Variants in TNKS1BP1 observed in about 807,000 individuals in gnomAD.
TNKS1BP1 encodes the protein CCR4-NOT transcription complex subunit 12, also known as 182 kDa tankyrase-1-binding protein.
In TNKS1BP1, 48 loss-of-function variants were observed where a neutral mutation model predicts 141.1. The observed-to-expected ratio is 0.34, with a 90% confidence interval of 0.27 to 0.43. The LOEUF is 0.43. TNKS1BP1 is among the 20% of genes least tolerant of loss of function. The pLI, the probability that TNKS1BP1 is intolerant of heterozygous loss-of-function variation, is 1.00. For missense variants in TNKS1BP1, 2,149 were observed against 2,226.0 expected (o/e 0.97, Z 0.70); for synonymous variants, 875 against 898.2 (o/e 0.97, Z 0.46).
intron 1 of TNKS1BP1, among the ~76,000 whole-genome samples, chr11:57,322,623 A>C (rs1390443483): frequency 6.6e-6 from 1 of 152,358 alleles, no homozygotes; most frequent in South Asian, 2.1e-4. Flanking sequence ...GAATTTGATG[A>C]GGTAAAGCCA....
Position 57,312,862 on chromosome 11 carries a change from T to C in TNKS1BP1, c.1826A>G (p.Glu609Gly), listed in dbSNP as rs778597763. The part of the protein sequence containing the change: ...QESPLPLATR[E>G]AALPILEPVL... Reference sequence around the variant, plus strand: ...TGGCTCCAGGATGGGCAAGGCTGCCTCCCTGGTAGCCAGGGGGAGAGGGGA... The same window carrying C: ...TGGCTCCAGGATGGGCAAGGCTGCCCCCCTGGTAGCCAGGGGGAGAGGGGA... Residue 609 changes from glutamate to glycine, a missense_variant, in exon 5 of 12, where the codon GAG (glutamate) becomes GGG (glycine). Transcript: ENST00000358252. The C allele has an allele frequency of 1.4e-5, 23 of 1,608,850 alleles. No individual in the cohort carries two copies. Among genetic ancestry groups the C allele is most frequent in the Non-Finnish European group, 1.9e-5 (22 of 1,177,122 alleles).
Position 57,313,146 on chromosome 11 carries a change from G to A in TNKS1BP1, c.1542C>T (p.Asn514=), listed in dbSNP as rs756388884. 29 of 1,612,978 alleles carry A rather than the reference G, an allele frequency of 1.8e-5. No homozygotes were observed. Among genetic ancestry groups the A allele is most frequent in the East Asian group, 8.9e-5 (4 of 44,874 alleles). The part of the protein sequence containing the change: ...SEAAEAAEAG[N]LAVSSREEGV... ...CTTCTTCCCTGCTGGAAACGGCCAA[G>A]TTGCCAGCCTCAGCAGCCTCGGCGG... The change falls in exon 5 of 12, where the codon AAC becomes AAT. Residue 514 remains asparagine (N), a synonymous_variant. Transcript: ENST00000358252.
chr11:57,302,208 T>C lies in TNKS1BP1; in HGVS notation c.4700A>G (p.Asp1567Gly). 1 of 1,611,894 alleles carries C rather than the reference T, an allele frequency of 6.2e-7. No homozygotes were observed. The highest frequency in any genetic ancestry group is 8.5e-7 in the Non-Finnish European group (1 of 1,179,472). The change falls in exon 8 of 12, where the codon GAC (aspartate) becomes GGC (glycine). Residue 1567 changes from aspartate (D) to glycine (G), a missense_variant. Asp to Gly is a moderately conservative substitution (Grantham distance 94). Coordinates refer to ENST00000358252, the MANE Select transcript of TNKS1BP1 (RefSeq NM_033396.3). The surrounding 1 kb of genome is among the most constrained non-coding windows in gnomAD (Gnocchi z 5.5). The stretch of plus-strand genomic sequence containing the variant: ...GGCACGGCTCCGATACATGGCACTG[T>C]CGAGGATCTCGGTGTCCTGCTTGGG... Reference protein sequence around the residue: ...FSFIEDTEILDSAMYRSRANL... With the variant: ...FSFIEDTEILGSAMYRSRANL...
At position 57,302,445 on chromosome 11, in the gene TNKS1BP1, C is replaced by T; in HGVS notation, c.4683+14G>A. ...CCTCACCCACCCACTGTCATGGGCT[C>T]ACCCTCCACTGACCTCAATGAAGGA... On this transcript the variant is annotated intron_variant, in intron 7 of 11. Transcript: ENST00000358252. The surrounding 1 kb of genome is among the most constrained non-coding windows in gnomAD (Gnocchi z 5.5). 1 of 1,578,774 alleles carries T rather than the reference C, an allele frequency of 6.3e-7. No individual in the cohort carries two copies. The highest frequency in any genetic ancestry group is 8.6e-7 in the Non-Finnish European group (1 of 1,158,492).
intron 1 of TNKS1BP1, among the ~76,000 whole-genome samples, chr11:57,324,261 G>A (rs1407732328): frequency 6.6e-6 from 1 of 152,246 alleles, no homozygotes; most frequent in East Asian, 1.9e-4. Flanking sequence ...AGGGCCAACG[G>A]GAAGATGGAA....
At chr11:57,304,734 G>A (rs1855580738) in intron 6 of TNKS1BP1, among the ~76,000 whole-genome samples, 1 of 151,706 alleles carries the variant, frequency 6.6e-6, no homozygotes, top group South Asian at 2.1e-4. Context: ...GCCAGGCATG[G>A]TGGCAGGCAC....
intron 1 of TNKS1BP1, among the ~76,000 whole-genome samples, chr11:57,322,640 A>G (rs1369743411): frequency 6.6e-6 from 1 of 152,368 alleles, no homozygotes; most frequent in Middle Eastern, 3.4e-3. Context: ...GCCAGGGCCT[A>G]GTCCTGTTGC....
At chr11:57,304,275 G>A (rs1855574013) in intron 6 of TNKS1BP1, among the ~76,000 whole-genome samples, 1 of 152,124 alleles carries the variant, frequency 6.6e-6, no homozygotes, top group African/African-American at 2.4e-5. Context: ...GGAAGAGGGG[G>A]CAGGGAGAGA....
At chr11:57,322,322 T>G in intron 1 of TNKS1BP1, 1 of 990,764 alleles carries the variant, frequency 1.0e-6, no homozygotes, top group Non-Finnish European at 1.2e-6. Flanking sequence ...GTATGAAGTC[T>G]GTCTGTGAAT....
rs1234190820 is a variant in TNKS1BP1, at chr11:57,310,155, C to G, written c.2556G>C (p.Gln852His). Residue 852 changes from glutamine (Q) to histidine (H), a missense_variant, in exon 6 of 12, where the codon CAG becomes CAC. Physicochemically the swap from Gln to His is conservative, Grantham distance 24. Coordinates refer to ENST00000358252, the MANE Select transcript of TNKS1BP1 (RefSeq NM_033396.3). The stretch of plus-strand genomic sequence containing the variant: ...CTGCATCCCGGCTGGAGTAAGTGCC[C>G]TGGGAATCCCTCTTTCTGAACTCCC... ...QDWEFRKRDSQGTYSSRDAEL... is the reference protein window; with the variant it reads ...QDWEFRKRDSHGTYSSRDAEL... 1 of 1,614,194 alleles carries G rather than the reference C, an allele frequency of 6.2e-7. No individual in the cohort carries two copies. The highest frequency in any genetic ancestry group is 1.1e-5 in the South Asian group (1 of 91,078).
At position 57,309,437 on chromosome 11, in the gene TNKS1BP1, G is replaced by A. The variant is rs757172910; in HGVS notation, c.3274C>T (p.Leu1092Phe). ...GCCTCTCGCTGGGGGCCAACACTGAGGCTAAACTCACCGACCCAGCCTCGC... is the reference window on the plus strand; with the variant it reads ...GCCTCTCGCTGGGGGCCAACACTGAAGCTAAACTCACCGACCCAGCCTCGC... ...GKRGWVGEFS[L>F]SVGPQREAAF... The change falls in exon 6 of 12, where the codon CTC (leucine) becomes TTC (phenylalanine). Residue 1092 changes from leucine (L) to phenylalanine (F), a missense_variant. Coordinates refer to ENST00000358252, the MANE Select transcript of TNKS1BP1 (RefSeq NM_033396.3). This position sits in a 1 kb window ranked among gnomAD's most constrained non-coding sequence, Gnocchi z 4.3. The A allele has an allele frequency of 6.2e-7, 1 of 1,614,070 alleles. No homozygotes were observed. The highest frequency in any genetic ancestry group is 1.1e-5 in the South Asian group (1 of 91,076).
chr11:57,323,817 G>A (rs1231467208), intron 1 of TNKS1BP1, among the ~76,000 whole-genome samples: 1 of 152,204 alleles, frequency 6.6e-6, no homozygotes, highest in Non-Finnish European at 1.5e-5. Context: ...CATAGTGTGG[G>A]TGGTTGGAGA....
At chr11:57,301,756 TG>T in intron 9 of TNKS1BP1, 50 bp downstream of exon 9, 2 of 1,582,388 alleles carry the variant, frequency 1.3e-6, no homozygotes, top group Non-Finnish European at 1.7e-6. Flanking sequence ...GCATGCAAGG[TG>T]GCCACCTGGC....
rs1049259408 is a variant in TNKS1BP1, at chr11:57,322,264, C to A, written c.-65-314G>T. ...TCCCCACAGTGCCCCTTGGGTAGGA[C>A]GGCCCCGCTGGAGGTGTCTACTCAA... is the stretch of plus-strand genomic sequence containing the variant. On this transcript the variant is annotated intron_variant, in intron 1 of 11. Transcript: ENST00000358252. 5 of 1,038,140 alleles carry A rather than the reference C, an allele frequency of 4.8e-6. No homozygotes were observed. In the African/African-American group the frequency reaches 6.7e-5, roughly 14 times the overall value. The allele number at this position is 1,038,140 out of a possible 1,614,324, so 64.3% of individuals were successfully genotyped here.
At chr11:57,305,422 C>T (rs1471226789) in intron 6 of TNKS1BP1, among the ~76,000 whole-genome samples, 6 of 152,182 alleles carry the variant, frequency 3.9e-5, no homozygotes, top group African/African-American at 1.4e-4. Context: ...GTCGCATCTA[C>T]ACCCTTCACC....
chr11:57,311,339 C>T, intron 5 of TNKS1BP1: 1 of 985,782 alleles, frequency 1.0e-6, no homozygotes, highest in Non-Finnish European at 1.2e-6. Context: ...GACATGCTGG[C>T]CTCCCCATCC....
Position 57,308,415 on chromosome 11 carries a change from T to G in TNKS1BP1, c.4296A>C (p.Glu1432Asp). 6.2e-7 allele frequency: 1 copy of G among 1,613,916 alleles called. No homozygotes were observed. The highest frequency in any genetic ancestry group is 8.5e-7 in the Non-Finnish European group (1 of 1,179,848). Residue 1432 changes from glutamate (E) to aspartate (D), a missense_variant, in exon 6 of 12, where the codon GAA becomes GAC. Coordinates refer to ENST00000358252, the MANE Select transcript of TNKS1BP1 (RefSeq NM_033396.3). ...ATTACCTTGCTCCGAAGCTGAGGGC[T>G]TCTCCTGTCTCCATTCCAGGGTCTG... Reference protein sequence around the residue: ...HPADPGMETGEALSFGASPGR... With the variant: ...HPADPGMETGDALSFGASPGR...
intron 4 of TNKS1BP1, among the ~76,000 whole-genome samples, chr11:57,314,646 T>C (rs987669458): frequency 1.3e-5 from 2 of 152,080 alleles, no homozygotes; most frequent in African/African-American, 4.8e-5. Flanking sequence ...CCCCTCGGCA[T>C]AGGACTCATG....
rs766155859 is a variant in TNKS1BP1 at position 57,302,251 on chromosome 11, G to A, written c.4684-27C>T. The A allele has an allele frequency of 1.3e-6, 2 of 1,594,918 alleles. No homozygotes were observed. Among genetic ancestry groups the A allele is most frequent in the Non-Finnish European group, 1.7e-6 (2 of 1,168,480 alleles). On this transcript the variant is annotated intron_variant, in intron 7 of 11. Transcript: ENST00000358252. The surrounding 1 kb of genome is among the most constrained non-coding windows in gnomAD (Gnocchi z 5.5). ...TGCTTGGGGCAATGGTGACACCACT[G>A]CCATTGCTGCCTCATCCCACGGGAG...
Sources: gnomAD v4.1 joint callset for allele counts (sites outside exome capture counted in the v4.1 genomes callset) on GRCh38, gnomAD v4.1.1 for gene constraint, Gnocchi (gnomAD v3.1) non-coding constraint, MANE v1.5 for transcripts, NCBI Gene and HGNC (gene_info 2026-07-23, HGNC 2026-07-21) for gene names.